The following RTL4 variants were observed in gnomAD, a reference collection of about 807,000 sequenced individuals.
RTL4 encodes retrotransposon Gag-like protein 4.
In RTL4, 4 loss-of-function variants were observed where a neutral mutation model predicts 5.3. That is an observed-to-expected ratio of 0.75 (90% CI 0.37 to 1.72). The LOEUF (loss-of-function observed/expected upper bound fraction) is 1.72. Among genes scored for constraint, RTL4 ranks in the 40% most tolerant of loss-of-function variants. RTL4 has a pLI of 0.04. For synonymous variants in RTL4, 98 were observed against 87.3 expected (o/e 1.12, Z -0.68); for missense variants, 260 against 227.1 (o/e 1.14, Z -0.93).
At chrX:112,163,924 C>T in the RTL4 span, among the ~76,000 whole-genome samples, 1 of 111,722 alleles carries the variant, frequency 9.0e-6, no homozygotes, top group Non-Finnish European at 1.9e-5. Flanking sequence ...TTGCATGAGC[C>T]TCTGGGAATG....
the RTL4 span, among the ~76,000 whole-genome samples, chrX:112,303,173 A>C: frequency 8.9e-6 from 1 of 112,032 alleles, no homozygotes; most frequent in African/African-American, 3.2e-5. Context: ...TTCATTGTTT[A>C]TATTACAATG....
the RTL4 span, among the ~76,000 whole-genome samples, chrX:112,133,369 A>G: frequency 8.9e-6 from 1 of 112,184 alleles, no homozygotes; most frequent in South Asian, 3.7e-4. Flanking sequence ...TTCTTTGACT[A>G]CTGTCAGGGG....
At chrX:112,314,283 G>T in the RTL4 span, among the ~76,000 whole-genome samples, 1 of 111,064 alleles carries the variant, frequency 9.0e-6, no homozygotes, top group Non-Finnish European at 1.9e-5. Context: ...AACTGATCAA[G>T]CAATTTCCAG....
chrX:112,406,020 G>C, the RTL4 span, among the ~76,000 whole-genome samples: 1 of 110,612 alleles, frequency 9.0e-6, no homozygotes, highest in African/African-American at 3.3e-5. Flanking sequence ...CATGTGGAGG[G>C]AGCATTTAAA....
At chrX:112,168,937 CTT>C in the RTL4 span, among the ~76,000 whole-genome samples, 6 of 57,516 alleles carry the variant, frequency 1.0e-4, no homozygotes, top group Non-Finnish European at 9.4e-5. Context: ...TTCTTTCTTT[CTT>C]TTTCTTTCTT....
the RTL4 span, among the ~76,000 whole-genome samples, chrX:112,233,616 G>A: frequency 3.6e-5 from 4 of 111,226 alleles, no homozygotes; most frequent in Middle Eastern, 4.7e-3. Context: ...AGATTTTCTC[G>A]ACAATCATGA....
At chrX:112,093,156 T>C in the RTL4 span, among the ~76,000 whole-genome samples, 1 of 111,577 alleles carries the variant, frequency 9.0e-6, no homozygotes, top group Non-Finnish European at 1.9e-5. Flanking sequence ...CTATATTCAT[T>C]GCTCCACACC....
the RTL4 span, among the ~76,000 whole-genome samples, chrX:112,256,913 A>G: frequency 8.9e-6 from 1 of 111,850 alleles, no homozygotes; most frequent in Non-Finnish European, 1.9e-5. Flanking sequence ...TCCCTTGAGT[A>G]TTCTCTGTAG....
the RTL4 span, among the ~76,000 whole-genome samples, chrX:112,226,853 T>C: frequency 9.2e-6 from 1 of 108,401 alleles, no homozygotes; most frequent in Non-Finnish European, 1.9e-5. Flanking sequence ...GGAGAATCAC[T>C]TGAGCCCAAG....
At chrX:112,111,685 G>A in the RTL4 span, among the ~76,000 whole-genome samples, 1 of 112,490 alleles carries the variant, frequency 8.9e-6, no homozygotes, top group African/African-American at 3.2e-5. Context: ...ACTGGTCCCT[G>A]GGGGAAGAGG....
At chrX:112,152,516 A>C in the RTL4 span, among the ~76,000 whole-genome samples, 3 of 111,503 alleles carry the variant, frequency 2.7e-5, no homozygotes, top group East Asian at 2.8e-4. Context: ...TTTCTACTAT[A>C]TAATTATTGG....
the RTL4 span, among the ~76,000 whole-genome samples, chrX:112,120,239 G>A: frequency 8.9e-6 from 1 of 112,262 alleles, no homozygotes. Flanking sequence ...CAGATCAAGA[G>A]TTTGCACATA....
At chrX:112,345,096 C>T in the RTL4 span, among the ~76,000 whole-genome samples, 4 of 111,377 alleles carry the variant, frequency 3.6e-5, no homozygotes, top group African/African-American at 9.8e-5. Flanking sequence ...TGGGTGGGGA[C>T]ACAGTCAAAC....
chrX:112,310,078 A>G, the RTL4 span, among the ~76,000 whole-genome samples: 21 of 104,687 alleles, frequency 2.0e-4, no homozygotes, highest in African/African-American at 7.3e-4. Flanking sequence ...CATGAATTTC[A>G]TAGTCCATTC....
the RTL4 span, among the ~76,000 whole-genome samples, chrX:112,236,957 A>G: frequency 9.0e-6 from 1 of 111,544 alleles, no homozygotes; most frequent in Admixed American, 9.6e-5. Context: ...AGGCAATGTG[A>G]TGACAGAAGC....
At chrX:112,244,424 A>G in the RTL4 span, among the ~76,000 whole-genome samples, 1 of 111,729 alleles carries the variant, frequency 9.0e-6, no homozygotes, top group Non-Finnish European at 1.9e-5. Context: ...CTTCTTGTTA[A>G]ATTGATACCT....
chrX:112,232,459 C>A, the RTL4 span, among the ~76,000 whole-genome samples: 1 of 112,022 alleles, frequency 8.9e-6, no homozygotes, highest in Non-Finnish European at 1.9e-5. Context: ...TTATTAGACC[C>A]ATTTTCTGTA....
At chrX:112,355,349 G>A in the RTL4 span, among the ~76,000 whole-genome samples, 2 of 111,331 alleles carry the variant, frequency 1.8e-5, no homozygotes, top group African/African-American at 6.5e-5. Flanking sequence ...AAGGAAAGGA[G>A]GGAAGAAGGA....
chrX:112,402,737 G>C, the RTL4 span, among the ~76,000 whole-genome samples: 1 of 110,737 alleles, frequency 9.0e-6, no homozygotes, highest in Non-Finnish European at 1.9e-5. Context: ...GATGGCTTAG[G>C]AATAAACATC....
Sources: gnomAD v4.1 joint callset for allele counts (sites outside exome capture counted in the v4.1 genomes callset) on GRCh38, gnomAD v4.1.1 for gene constraint, MANE v1.5 for transcripts, NCBI Gene and HGNC (gene_info 2026-07-23, HGNC 2026-07-21) for gene names.